Variants in GRIN3A observed in about 807,000 individuals in gnomAD.
The protein encoded by GRIN3A is glutamate receptor ionotropic, NMDA 3A.
A neutral mutation model predicts 92.4 loss-of-function variants in GRIN3A; 47 were observed. The observed-to-expected ratio is 0.51, with a 90% CI of 0.40 to 0.65. GRIN3A has a LOEUF of 0.65. Among genes scored for constraint, GRIN3A ranks in the 30% least tolerant of loss-of-function variants. GRIN3A has a pLI of 0.00. For missense variants in GRIN3A, 1,324 were observed against 1,393.1 expected (o/e 0.95, Z 0.79); for synonymous variants, 527 against 540.6 (o/e 0.97, Z 0.35).
intron 8 of GRIN3A, among the ~76,000 whole-genome samples, chr9:101,575,006 G>A (rs201483676): frequency 1.3e-5 from 2 of 152,192 alleles, no homozygotes; most frequent in East Asian, 3.8e-4. Context: ...AGCCAAGTCT[G>A]GCTCAGATCA....
rs561535491 is a variant in GRIN3A, at chr9:101,593,324, A to T, written c.2767-13964T>A. ...TCTGCACTGAATGTTCCACTAGGGAAAAGGCTTCCTGGAATGAGAGAGCTC... is the reference window on the plus strand; with the variant it reads ...TCTGCACTGAATGTTCCACTAGGGATAAGGCTTCCTGGAATGAGAGAGCTC... On this transcript the variant is annotated intron_variant, in intron 6 of 8. Transcript: ENST00000361820. 10 of 152,324 alleles carry T rather than the reference A, an allele frequency of 6.6e-5. No homozygotes were observed. In the East Asian group the frequency reaches 1.9e-3, roughly 29 times the overall value. The allele number at this position is 152,324 out of a possible 1,614,324, so 9.4% of individuals were successfully genotyped here. A position where few individuals can be genotyped will look rare whatever the true frequency, so the allele number is the denominator to read the frequency against.
chr9:101,577,333 TG>T (rs199518921), intron 8 of GRIN3A, among the ~76,000 whole-genome samples: 3,926 of 152,364 alleles, frequency 0.026, 83 homozygotes, highest in Non-Finnish European at 0.04. Flanking sequence ...ACATGTATTT[TG>T]TACATAATAA....
chr9:101,718,657 T>C (rs568181940), intron 1 of GRIN3A, among the ~76,000 whole-genome samples: 2 of 152,322 alleles, frequency 1.3e-5, no homozygotes, highest in East Asian at 3.9e-4. Flanking sequence ...AATATAACAC[T>C]GAATCACATA....
intron 6 of GRIN3A, among the ~76,000 whole-genome samples, chr9:101,609,688 A>G (rs1828333995): frequency 6.6e-6 from 1 of 152,144 alleles, no homozygotes; most frequent in Non-Finnish European, 1.5e-5. Context: ...GTCCTCCTCC[A>G]CCTAGGAATC....
chr9:101,660,023 T>C (rs143206144), intron 3 of GRIN3A, among the ~76,000 whole-genome samples: 2,476 of 151,920 alleles, frequency 0.016, 77 homozygotes, highest in African/African-American at 0.056. Flanking sequence ...AGGGAAAGAA[T>C]ATACCATTCC....
chr9:101,595,020 G>A (rs1484917686), intron 6 of GRIN3A: 1 of 1,448,230 alleles, frequency 6.9e-7, no homozygotes, highest in Non-Finnish European at 9.3e-7. Context: ...GGGCCATGGG[G>A]TGGGGGTAGA....
rs550694655 is a variant in GRIN3A, at chr9:101,631,556, C to T, written c.2353-3155G>A. ...TTTCTGAATGCACCAGCACATCGTT[C>T]CTTTCCAAAGCATGGAAGGAATCAG... On this transcript the variant is annotated intron_variant, in intron 3 of 8. Transcript: ENST00000361820. Among the ~76,000 whole-genome samples, 12 of 152,228 alleles carry T rather than the reference C, an allele frequency of 7.9e-5. No homozygotes were observed. The South Asian group carries it at 2.5e-3, about 32-fold the overall frequency.
chr9:101,594,290 G>T, intron 6 of GRIN3A: 2 of 1,307,938 alleles, frequency 1.5e-6, no homozygotes, highest in Non-Finnish European at 2.1e-6. Context: ...AGGACATATG[G>T]CTTCACAAAA....
At chr9:101,633,495 G>A (rs549537990) in intron 3 of GRIN3A, among the ~76,000 whole-genome samples, 23 of 152,258 alleles carry the variant, frequency 1.5e-4, no homozygotes, top group African/African-American at 4.8e-4. Flanking sequence ...ATTAGCAGGG[G>A]TCCCAAACCC....
intron 3 of GRIN3A, among the ~76,000 whole-genome samples, chr9:101,651,828 A>G (rs190305350): frequency 1.9e-4 from 29 of 152,154 alleles, no homozygotes; most frequent in Admixed American, 3.9e-4. Flanking sequence ...AAAGATATAT[A>G]TCAAAGCATA....
intron 1 of GRIN3A, among the ~76,000 whole-genome samples, chr9:101,704,776 T>G (rs1451415877): frequency 6.6e-6 from 1 of 152,174 alleles, no homozygotes; most frequent in Non-Finnish European, 1.5e-5. Context: ...GTAGGTTAGG[T>G]GTATTGAATG....
At chr9:101,646,373 G>A (rs1338438363) in intron 3 of GRIN3A, among the ~76,000 whole-genome samples, 1 of 151,650 alleles carries the variant, frequency 6.6e-6, no homozygotes, top group Non-Finnish European at 1.5e-5. Context: ...TTTACGCAAG[G>A]TTTATGTGTC....
chr9:101,700,437 G>T (rs1829738351), intron 1 of GRIN3A, among the ~76,000 whole-genome samples: 1 of 152,102 alleles, frequency 6.6e-6, no homozygotes, highest in African/African-American at 2.4e-5. Context: ...TCAGAAAACT[G>T]GCACCTGAAT....
At chr9:101,614,608 ACTTTTTTTTTT>A (rs1828414379) in intron 5 of GRIN3A, among the ~76,000 whole-genome samples, 3 of 128,404 alleles carry the variant, frequency 2.3e-5, no homozygotes, top group African/African-American at 9.0e-5. Flanking sequence ...TATATGTGAT[ACTTTTTTTTTT>A]TTTTTTTTTT....
In GRIN3A at chr9:101,737,666, C is replaced by T. The variant is rs1426219199; in HGVS notation, c.314G>A (p.Arg105Gln). 6.3e-7 allele frequency: 1 copy of T among 1,594,546 alleles called. No homozygotes were observed. The highest frequency in any genetic ancestry group is 8.5e-7 in the Non-Finnish European group (1 of 1,173,296). The change falls in exon 1 of 9, where the codon CGG becomes CAG. Residue 105 changes from arginine to glutamine, a missense_variant. By Grantham distance (43) the Arg-to-Gln change is conservative. Coordinates refer to ENST00000361820, the MANE Select transcript of GRIN3A (RefSeq NM_133445.3). ...ARWLGSTLHG[R>Q]GPPGSRKPGE... is the part of the protein sequence containing the mutation. Reference sequence around the variant, plus strand: ...GGGCTTACGGGAGCCCGGCGGCCCCCGGCCATGCAGGGTGCTCCCCAACCA... The same window carrying T: ...GGGCTTACGGGAGCCCGGCGGCCCCTGGCCATGCAGGGTGCTCCCCAACCA...
intron 6 of GRIN3A, 103 bp downstream of exon 6, chr9:101,613,272 TA>T: frequency 8.3e-7 from 1 of 1,206,592 alleles, no homozygotes; most frequent in East Asian, 2.4e-5. Flanking sequence ...AAGAGTCTAG[TA>T]AATGCAATAA....
chr9:101,686,794 C>G lies in GRIN3A; in HGVS notation c.1106G>C (p.Gly369Ala). The G allele has an allele frequency of 6.2e-7, 1 of 1,614,096 alleles. No homozygotes were observed. The stretch of plus-strand genomic sequence containing the variant: ...ATGAGCAATGAGCCCTAAGGGCAGA[C>G]CCTCTGTCCTCAGTTCCTCCACATT... ...SQNVEELRTE[G>A]LPLGLIAHGK... The change falls in exon 2 of 9, where the codon GGT (glycine) becomes GCT (alanine). Residue 369 changes from glycine (G) to alanine (A), a missense_variant. Transcript: ENST00000361820.
rs1828194499 is a variant in GRIN3A, at chr9:101,600,261, CT to C, written c.2766+13114del. 2.0e-5 allele frequency among the ~76,000 whole-genome samples: 3 copies of C among 152,260 alleles called. No individual in the cohort carries two copies. In the South Asian group the frequency reaches 6.2e-4, roughly 32 times the overall value. On this transcript the variant is annotated intron_variant, in intron 6 of 8. Transcript: ENST00000361820. ...ATAATTATTGCCTACTTTAGGCTTGCTTAAAAACTCAAGTAGACTGTATGCA... is the reference window on the plus strand; with the variant it reads ...ATAATTATTGCCTACTTTAGGCTTGCTAAAAACTCAAGTAGACTGTATGCA...
At chr9:101,669,226 C>T (rs1829282346) in intron 3 of GRIN3A, among the ~76,000 whole-genome samples, 1 of 152,016 alleles carries the variant, frequency 6.6e-6, no homozygotes, top group Admixed American at 6.6e-5. Flanking sequence ...TCTCTCTAGT[C>T]CTATTGGGCT....
Sources: allele counts gnomAD v4.1 joint callset (sites outside exome capture counted in the v4.1 genomes callset), GRCh38; gene constraint gnomAD v4.1.1; transcripts MANE v1.5; gene names NCBI Gene and HGNC (gene_info 2026-07-23, HGNC 2026-07-21).